Variants in USP14 observed in about 807,000 individuals in gnomAD.
USP14 encodes ubiquitin specific peptidase 14.
Under a neutral mutation model 76.5 loss-of-function variants are expected in USP14, and 38 were observed. That is an observed-to-expected ratio of 0.50 (90% CI 0.38 to 0.65). USP14 has a LOEUF of 0.65. USP14 is among the 30% of genes least tolerant of loss of function. USP14 has a pLI of 0.00. For missense variants in USP14, 467 were observed against 586.5 expected, an observed-to-expected ratio of 0.80 and a Z score of 2.10; for synonymous variants, 192 against 191.7, an observed-to-expected ratio of 1.00 and a Z score of -0.01.
chr18:214,407 G>A lies in USP14; in HGVS notation c.*3123G>A. The A allele has an allele frequency of 2.2e-6, 1 of 460,210 alleles. No homozygotes were observed. The highest frequency in any genetic ancestry group is 3.8e-6 in the Non-Finnish European group (1 of 261,440). 28.5% of individuals were successfully genotyped at this position (460,210 alleles called of 1,614,324 possible). A position where few individuals can be genotyped will look rare whatever the true frequency, so the allele number is the denominator to read the frequency against. ...TCTACTTAACAAAAAAATATATTTTGTGATCTTGAGGTCACTTCGTTTAGG... is the reference window on the plus strand; with the variant it reads ...TCTACTTAACAAAAAAATATATTTTATGATCTTGAGGTCACTTCGTTTAGG... On this transcript the variant is annotated 3_prime_UTR_variant, in exon 16 of 16. Coordinates refer to ENST00000261601, the MANE Select transcript of USP14 (RefSeq NM_005151.4).
At chr18:159,208 G>A (rs1018494993) in intron 1 of USP14, among the ~76,000 whole-genome samples, 8 of 152,174 alleles carry the variant, frequency 5.3e-5, no homozygotes, top group Non-Finnish European at 1.0e-4. Flanking sequence ...TTGTTCGACC[G>A]CCCCTTTGGT....
rs1909036594 is a variant in USP14 at position 158,958 on chromosome 18, C to G, written c.16+244C>G. On this transcript the variant is annotated intron_variant, in intron 1 of 15. Transcript: ENST00000261601. ...GTGGGGGGAGTGGAGATGGGGAAGC[C>G]TCTCAAAGTCGTGACTCTGCAGAAT... 8.7e-6 allele frequency: 4 copies of G among 460,252 alleles called. No homozygotes were observed. The Admixed American group carries it at 1.4e-4, about 16-fold the overall frequency. 28.5% of individuals were successfully genotyped at this position (460,252 alleles called of 1,614,324 possible).
chr18:167,859 C>G (rs896005503), intron 3 of USP14, among the ~76,000 whole-genome samples: 1 of 151,024 alleles, frequency 6.6e-6, no homozygotes. Context: ...AACATTTGTT[C>G]GCTGCTTAAA....
intron 15 of USP14, among the ~76,000 whole-genome samples, 158 bp from the exon 16 acceptor site, chr18:210,975 C>T (rs902269980): frequency 1.3e-5 from 2 of 152,186 alleles, no homozygotes; most frequent in Non-Finnish European, 2.9e-5. Flanking sequence ...CCCTGCAGTG[C>T]CCTTAAGCCT....
chr18:203,584 T>C (rs1279566669), intron 12 of USP14, among the ~76,000 whole-genome samples: 1 of 152,006 alleles, frequency 6.6e-6, no homozygotes, highest in Non-Finnish European at 1.5e-5. Context: ...TAGGGAGTGA[T>C]AACTCTGCAC....
In USP14 at chr18:204,652, A is replaced by G; in HGVS notation, c.1124A>G (p.Lys375Arg). ...ATGGTGTCTTTTCGATCCAAATTCA[A>G]GGATCTAGAAGATAAAAAAGTGAAT... ...EKMVSFRSKFKDLEDKKVNQQ... is the reference protein window; with the variant it reads ...EKMVSFRSKFRDLEDKKVNQQ... Residue 375 changes from lysine to arginine, a missense_variant, in exon 13 of 16, where the codon AAG becomes AGG. Transcript: ENST00000261601. The G allele has an allele frequency of 6.2e-7, 1 of 1,613,384 alleles. No homozygotes were observed.
In USP14 at chr18:210,019, T is replaced by G; in HGVS notation, c.1213T>G (p.Ser405Ala). Residue 405 changes from serine to alanine, a missense_variant, in exon 14 of 16, where the codon TCT (serine) becomes GCT (alanine). By Grantham distance (99) the Ser-to-Ala change is moderately conservative (BLOSUM62 1). Transcript: ENST00000261601. Reference protein sequence around the residue: ...PQKEVKYEPFSFADDIGSNNC... With the variant: ...PQKEVKYEPFAFADDIGSNNC... Reference sequence around the variant, plus strand: ...GAAAGAAGTTAAGTATGAACCCTTTTCTTTTGCTGATGGTAAGTAACATTC... The same window carrying G: ...GAAAGAAGTTAAGTATGAACCCTTTGCTTTTGCTGATGGTAAGTAACATTC... 2 of 1,605,488 alleles carry G rather than the reference T, an allele frequency of 1.2e-6. No homozygotes were observed. Among genetic ancestry groups the G allele is most frequent in the Non-Finnish European group, 1.7e-6 (2 of 1,176,912 alleles).
At chr18:185,777 C>G (rs759785636) in intron 5 of USP14, among the ~76,000 whole-genome samples, 17 of 151,890 alleles carry the variant, frequency 1.1e-4, no homozygotes, top group Non-Finnish European at 2.1e-4. Context: ...TCACTGCAGC[C>G]TTGACCTCTT....
At chr18:194,853 C>T (rs149038606) in intron 6 of USP14, among the ~76,000 whole-genome samples, 4,537 of 152,228 alleles carry the variant, frequency 0.03, 213 homozygotes, top group African/African-American at 0.1. Flanking sequence ...ATCGCTTGAA[C>T]CTGGGAGGCA....
At chr18:185,495 A>G (rs980978231) in intron 5 of USP14, among the ~76,000 whole-genome samples, 1 of 152,050 alleles carries the variant, frequency 6.6e-6, no homozygotes, top group Admixed American at 6.6e-5. Flanking sequence ...CATTCAGTTC[A>G]GTGAGATGCT....
In USP14 at chr18:211,515, A is replaced by G. The variant is rs1287460381; in HGVS notation, c.*231A>G. 3 of 373,012 alleles carry G rather than the reference A, an allele frequency of 8.0e-6. No homozygotes were observed. Among genetic ancestry groups the G allele is most frequent in the Non-Finnish European group, 1.4e-5 (3 of 211,606 alleles). 23.1% of individuals were successfully genotyped at this position (373,012 alleles called of 1,614,324 possible). ...ATAAAGGTGGCAGAAAGACATTTTT[A>G]AAAAGCTTATTATTTCTTGCATTAT... On this transcript the variant is annotated 3_prime_UTR_variant, in exon 16 of 16. Coordinates refer to ENST00000261601, the MANE Select transcript of USP14 (RefSeq NM_005151.4).
intron 8 of USP14, 99 bp from the exon 9 acceptor site, chr18:197,948 A>G (rs1224645266): frequency 9.6e-7 from 1 of 1,044,242 alleles, no homozygotes; most frequent in Non-Finnish European, 1.4e-6. Context: ...GTAAGGGACT[A>G]CATTTTTAAA....
chr18:204,292 T>C (rs896410184), intron 12 of USP14, among the ~76,000 whole-genome samples: 6 of 152,108 alleles, frequency 3.9e-5, no homozygotes, highest in African/African-American at 1.4e-4. Flanking sequence ...CTCAGGTAAA[T>C]TTTGGTACTT....
chr18:194,904 C>T (rs181207838), intron 6 of USP14, among the ~76,000 whole-genome samples: 14 of 152,266 alleles, frequency 9.2e-5, no homozygotes, highest in Middle Eastern at 3.4e-3. Context: ...GTACTCCAGC[C>T]TGGGCAACAG....
intron 6 of USP14, among the ~76,000 whole-genome samples, chr18:196,124 C>T (rs139244031): frequency 0.021 from 3,245 of 152,026 alleles, 47 homozygotes; most frequent in Admixed American, 0.045. Flanking sequence ...AGTTCGAGAC[C>T]AGCCTGGCCA....
intron 5 of USP14, among the ~76,000 whole-genome samples, chr18:187,550 C>T (rs1909963216): frequency 6.6e-6 from 1 of 152,148 alleles, no homozygotes. Context: ...CTTCCCCATC[C>T]AGGAATATAG....
intron 13 of USP14, among the ~76,000 whole-genome samples, chr18:209,520 T>C (rs145528026): frequency 6.6e-6 from 1 of 152,360 alleles, no homozygotes; most frequent in African/African-American, 2.4e-5. Flanking sequence ...AGTTCATTTG[T>C]GCTGGCGTGG....
rs150628158 is a variant in USP14 at position 205,456 on chromosome 18, G to T, written c.1164+764G>T. Among the ~76,000 whole-genome samples the T allele has an allele frequency of 6.2e-3, 949 of 152,042 alleles. 10 individuals carry two copies. The highest frequency in any genetic ancestry group is 0.022 in the African/African-American group (913 of 41,470). Reference sequence around the variant, plus strand: ...CTTAATTCCTGACAACTACCAACCCGTTCATTTCTATAATTTTTGTCATTT... The same window carrying T: ...CTTAATTCCTGACAACTACCAACCCTTTCATTTCTATAATTTTTGTCATTT... On this transcript the variant is annotated intron_variant, in intron 13 of 15. Coordinates refer to ENST00000261601, the MANE Select transcript of USP14 (RefSeq NM_005151.4).
chr18:211,062 C>A, intron 15 of USP14, 71 bp from the exon 16 acceptor site: 3 of 1,514,996 alleles, frequency 2.0e-6, no homozygotes, highest in Non-Finnish European at 2.7e-6. Context: ...TGACTTGATA[C>A]TTTTTTTGCA....
Sources: allele counts gnomAD v4.1 joint callset (sites outside exome capture counted in the v4.1 genomes callset), GRCh38; gene constraint gnomAD v4.1.1; transcripts MANE v1.5; gene names NCBI Gene and HGNC (gene_info 2026-07-23, HGNC 2026-07-21).